The following RPL10L variants were observed in gnomAD, a reference collection of about 807,000 sequenced individuals.
RPL10L encodes ribosomal protein L10 like.
A neutral mutation model predicts 10.2 loss-of-function variants in RPL10L; 11 were observed. The ratio of observed to expected loss-of-function variants is 1.08; its 90% CI spans 0.68 to 1.79. The LOEUF (loss-of-function observed/expected upper bound fraction) is 1.79, where lower values mean the gene tolerates loss of function less well. Ranked by LOEUF, RPL10L falls within the 40% of genes most tolerant of loss-of-function variation. RPL10L has a pLI of 0.00. For missense variants in RPL10L, 320 were observed against 289.8 expected, an observed-to-expected ratio of 1.10 and a Z score of -0.76; for synonymous variants, 120 against 101.7, an observed-to-expected ratio of 1.18 and a Z score of -1.08.
Position 46,651,741 on chromosome 14 carries a change from A to C in RPL10L, c.-5T>G. 1.2e-6 allele frequency: 2 copies of C among 1,614,188 alleles called. No homozygotes were observed. The highest frequency in any genetic ancestry group is 1.7e-6 in the Non-Finnish European group (2 of 1,180,014). ...GCGAGCTGGACGGCGCCCCATGGCG[A>C]CACAGTAACGTCGGCGGTGCCTCGA... On this transcript the variant is annotated 5_prime_UTR_variant, in exon 1 of 1. Coordinates refer to ENST00000298283, the MANE Select transcript of RPL10L (RefSeq NM_080746.3).
rs960971618 is a variant in RPL10L, at chr14:46,651,592, C to G, written c.145G>C (p.Gly49Arg). ...TATTCATCAGACACCATGTGGCCAC[C>G]GAGTGGGAACTCATCCACTTTTGCC... The part of the protein sequence containing the change: ...KKAKVDEFPL[G>R]GHMVSDEYEQ... The change falls in exon 1 of 1, where the codon GGT becomes CGT. Residue 49 changes from glycine to arginine, a missense_variant. Physicochemically the swap from Gly to Arg is moderately radical, Grantham distance 125 (BLOSUM62 -2). Coordinates refer to ENST00000298283, the MANE Select transcript of RPL10L (RefSeq NM_080746.3). 5 of 1,614,038 alleles carry G rather than the reference C, an allele frequency of 3.1e-6. No individual in the cohort carries two copies. Among genetic ancestry groups the G allele is most frequent in the Non-Finnish European group, 3.4e-6 (4 of 1,180,044 alleles).
Position 46,651,267 on chromosome 14 carries a change from A to T in RPL10L, c.470T>A (p.Phe157Tyr). 1.2e-6 allele frequency: 2 copies of T among 1,614,088 alleles called. No homozygotes were observed. The highest frequency in any genetic ancestry group is 1.7e-6 in the Non-Finnish European group (2 of 1,180,016). ...AATCTTCTGGCGTCCAGGGAACTTGAACTTGGCCCTGCGCAAGGCTTCAAT... is the reference window on the plus strand; with the variant it reads ...AATCTTCTGGCGTCCAGGGAACTTGTACTTGGCCCTGCGCAAGGCTTCAAT... Reference protein sequence around the residue: ...HVIEALRRAKFKFPGRQKIHI... With the variant: ...HVIEALRRAKYKFPGRQKIHI... The change falls in exon 1 of 1, where the codon TTC becomes TAC. Residue 157 changes from phenylalanine (F) to tyrosine (Y), a missense_variant. Transcript: ENST00000298283.
Position 46,651,104 on chromosome 14 carries a change from A to T in RPL10L, c.633T>A (p.Val211=). Residue 211 remains valine, a synonymous_variant, in exon 1 of 1, where the codon GTT becomes GTA. Transcript: ENST00000298283. ...ACTGCCAAAACCTTCATGAGTGCAG[A>T]ACCCGCCACTTGTCCAAGGGGCCAT... ...PSHGPLDKWR[V]LHS The T allele has an allele frequency of 6.2e-7, 1 of 1,613,954 alleles. No individual in the cohort carries two copies. Among genetic ancestry groups the T allele is most frequent in the Non-Finnish European group, 8.5e-7 (1 of 1,179,882 alleles).
In RPL10L at chr14:46,651,354, CG is replaced by C; in HGVS notation, c.382del (p.Arg128GlyfsTer21). On this transcript the variant is annotated frameshift_variant, in exon 1 of 1. Transcript: ENST00000298283. LOFTEE classifies it high-confidence loss of function. Reference sequence around the variant, plus strand: ...CATGATGACTTGACCAATGTGGACCCGGGCTACAGTACCCTGGGGTTTTCCA... The same window carrying C: ...CATGATGACTTGACCAATGTGGACCCGGCTACAGTACCCTGGGGTTTTCCA... ...AFGKPQGTVA[R>X]VHIGQVIMSI... The C allele has an allele frequency of 6.2e-7, 1 of 1,614,124 alleles. No individual in the cohort carries two copies. Among genetic ancestry groups the C allele is most frequent in the Non-Finnish European group, 8.5e-7 (1 of 1,180,036 alleles).
chr14:46,651,296 A>C lies in RPL10L; in HGVS notation c.441T>G (p.His147Gln), dbSNP rs766460249. ...SIRTKLQNEE[H>Q]VIEALRRAKF... is the part of the protein sequence containing the mutation. ...TGGCCCTGCGCAAGGCTTCAATCAC[A>C]TGCTCCTCGTTCTGAAGCTTGGTGC... Residue 147 changes from histidine to glutamine, a missense_variant, in exon 1 of 1, where the codon CAT (histidine) becomes CAG (glutamine). Coordinates refer to ENST00000298283, the MANE Select transcript of RPL10L (RefSeq NM_080746.3). The C allele has an allele frequency of 1.2e-6, 2 of 1,614,138 alleles. No homozygotes were observed. Among genetic ancestry groups the C allele is most frequent in the South Asian group, 2.2e-5 (2 of 91,078 alleles).
At position 46,651,023 on chromosome 14, in the gene RPL10L, G is replaced by C; in HGVS notation, c.*69C>G. ...CTTAATAAGGAGTTATTTTTTGCCA[G>C]TAAACAGAATTTATTAGTAAGCATA... On this transcript the variant is annotated 3_prime_UTR_variant, in exon 1 of 1. Coordinates refer to ENST00000298283, the MANE Select transcript of RPL10L (RefSeq NM_080746.3). 6.8e-7 allele frequency: 1 copy of C among 1,472,452 alleles called. No individual in the cohort carries two copies. Among genetic ancestry groups the C allele is most frequent in the Non-Finnish European group, 9.1e-7 (1 of 1,096,552 alleles). The allele number at this position is 1,472,452 out of a possible 1,614,324, so 91.2% of individuals were successfully genotyped here.
chr14:46,651,139 C>G lies in RPL10L; in HGVS notation c.598G>C (p.Val200Leu), dbSNP rs1407137708. 6.2e-7 allele frequency: 1 copy of G among 1,614,158 alleles called. No homozygotes were observed. The highest frequency in any genetic ancestry group is 8.5e-7 in the Non-Finnish European group (1 of 1,180,022). Residue 200 changes from valine (V) to leucine (L), a missense_variant, in exon 1 of 1, where the codon GTT becomes CTT. Val to Leu is a conservative substitution (Grantham distance 32). Coordinates refer to ENST00000298283, the MANE Select transcript of RPL10L (RefSeq NM_080746.3). ...LIPDGCGVKY[V>L]PSHGPLDKWR... is the part of the protein sequence containing the mutation. The stretch of plus-strand genomic sequence containing the variant: ...TTGTCCAAGGGGCCATGACTGGGAA[C>G]GTACTTGACTCCACAACCATCAGGG...
rs1379121099 is a variant in RPL10L, at chr14:46,651,236, G to C, written c.501C>G (p.Ile167Met). 2 of 1,614,178 alleles carry C rather than the reference G, an allele frequency of 1.2e-6. No homozygotes were observed. The highest frequency in any genetic ancestry group is 4.5e-5 in the East Asian group (2 of 44,872). The change falls in exon 1 of 1, where the codon ATC (isoleucine) becomes ATG (methionine). Residue 167 changes from isoleucine to methionine, a missense_variant. Physicochemically the swap from Ile to Met is conservative, Grantham distance 10 (BLOSUM62 1). Transcript: ENST00000298283. ...FKFPGRQKIH[I>M]SKKWGFTKFN... ...ACTTCGTGAAGCCCCACTTCTTGGA[G>C]ATATGAATCTTCTGGCGTCCAGGGA...
Position 46,651,739 on chromosome 14 carries a change from C to A in RPL10L, c.-3G>T, listed in dbSNP as rs775020836. The A allele has an allele frequency of 1.9e-6, 3 of 1,614,180 alleles. No homozygotes were observed. Among genetic ancestry groups the A allele is most frequent in the Non-Finnish European group, 2.5e-6 (3 of 1,180,006 alleles). The stretch of plus-strand genomic sequence containing the variant: ...CAGCGAGCTGGACGGCGCCCCATGG[C>A]GACACAGTAACGTCGGCGGTGCCTC... On this transcript the variant is annotated 5_prime_UTR_variant, in exon 1 of 1. Transcript: ENST00000298283.
At position 46,651,593 on chromosome 14, in the gene RPL10L, G is replaced by A. The variant is rs752024971; in HGVS notation, c.144C>T (p.Leu48=). 23 of 1,614,022 alleles carry A rather than the reference G, an allele frequency of 1.4e-5. No homozygotes were observed. In the Admixed American group the frequency reaches 1.8e-4, roughly 13 times the overall value. The change falls in exon 1 of 1, where the codon CTC becomes CTT. Residue 48 remains leucine, a synonymous_variant. Transcript: ENST00000298283. ...RKKAKVDEFP[L]GGHMVSDEYE... Reference sequence around the variant, plus strand: ...ATTCATCAGACACCATGTGGCCACCGAGTGGGAACTCATCCACTTTTGCCT... The same window carrying A: ...ATTCATCAGACACCATGTGGCCACCAAGTGGGAACTCATCCACTTTTGCCT...
In RPL10L at chr14:46,651,326, G is replaced by A. The variant is rs1883873341; in HGVS notation, c.411C>T (p.Ser137=). ...CCTCGTTCTGAAGCTTGGTGCGGAT[G>A]GACATGATGACTTGACCAATGTGGA... ...ARVHIGQVIM[S]IRTKLQNEEH... The change falls in exon 1 of 1, where the codon TCC becomes TCT. Residue 137 remains serine, a synonymous_variant. Coordinates refer to ENST00000298283, the MANE Select transcript of RPL10L (RefSeq NM_080746.3). The A allele has an allele frequency of 1.9e-6, 3 of 1,614,014 alleles. No individual in the cohort carries two copies. The highest frequency in any genetic ancestry group is 2.2e-5 in the East Asian group (1 of 44,894).
rs201792426 is a variant in RPL10L at position 46,651,498 on chromosome 14, C to G, written c.239G>C (p.Cys80Ser). 1 of 1,614,198 alleles carries G rather than the reference C, an allele frequency of 6.2e-7. No homozygotes were observed. Among genetic ancestry groups the G allele is most frequent in the East Asian group, 2.2e-5 (1 of 44,874 alleles). The change falls in exon 1 of 1, where the codon TGT becomes TCT. Residue 80 changes from cysteine (C) to serine (S), a missense_variant. Transcript: ENST00000298283. The stretch of plus-strand genomic sequence containing the variant: ...TCGCATGTGAAAGCCATCTCTGCCA[C>G]AACTTTTCACCATGTATTTGTTGGC... The part of the protein sequence containing the change: ...ICANKYMVKS[C>S]GRDGFHMRVR...
At position 46,651,531 on chromosome 14, in the gene RPL10L, C is replaced by A. The variant is rs1280409321; in HGVS notation, c.206G>T (p.Arg69Leu). The change falls in exon 1 of 1, where the codon CGT becomes CTT. Residue 69 changes from arginine (R) to leucine (L), a missense_variant. Transcript: ENST00000298283. ...QLSSEALEAA[R>L]ICANKYMVKS... ...CACCATGTATTTGTTGGCACAAATA[C>A]GGGCGGCCTCCAGGGCTTCAGAAGA... The A allele has an allele frequency of 6.2e-7, 1 of 1,614,188 alleles. No homozygotes were observed. Among genetic ancestry groups the A allele is most frequent in the South Asian group, 1.1e-5 (1 of 91,088 alleles).
Position 46,651,650 on chromosome 14 carries a change from G to A in RPL10L, c.87C>T (p.Ala29=), listed in dbSNP as rs1883895783. The change falls in exon 1 of 1, where the codon GCC becomes GCT. Residue 29 remains alanine, a synonymous_variant. Coordinates refer to ENST00000298283, the MANE Select transcript of RPL10L (RefSeq NM_080746.3). ...KSRFCRGVPD[A]KIRIFDLGRK... The stretch of plus-strand genomic sequence containing the variant: ...TACCCAGGTCAAAGATGCGGATCTT[G>A]GCATCAGGAACCCCTCGGCAGAAAC... 22 of 1,614,210 alleles carry A rather than the reference G, an allele frequency of 1.4e-5. No individual in the cohort carries two copies. The highest frequency in any genetic ancestry group is 1.5e-5 in the Non-Finnish European group (18 of 1,180,048).
rs1257318386 is a variant in RPL10L, at chr14:46,651,711, T to TA, written c.25dup (p.Tyr9LeufsTer5). The TA allele has an allele frequency of 6.2e-7, 1 of 1,614,092 alleles. No homozygotes were observed. The highest frequency in any genetic ancestry group is 8.5e-7 in the Non-Finnish European group (1 of 1,180,046). ...GTACGGCTTGTTCTTACAATACCGG[T>TA]AACAGCGAGCTGGACGGCGCCCCAT... On this transcript the variant is annotated frameshift_variant, in exon 1 of 1. Coordinates refer to ENST00000298283, the MANE Select transcript of RPL10L (RefSeq NM_080746.3). LOFTEE classifies it high-confidence loss of function.
In RPL10L at chr14:46,651,217, T is replaced by C; in HGVS notation, c.520A>G (p.Thr174Ala). ...KIHISKKWGF[T>A]KFNADEFEDM... ...TCAAATTCGTCAGCATTAAACTTCG[T>C]GAAGCCCCACTTCTTGGAGATATGA... is the stretch of plus-strand genomic sequence containing the variant. The change falls in exon 1 of 1, where the codon ACG becomes GCG. Residue 174 changes from threonine to alanine, a missense_variant. Coordinates refer to ENST00000298283, the MANE Select transcript of RPL10L (RefSeq NM_080746.3). 2 of 1,614,152 alleles carry C rather than the reference T, an allele frequency of 1.2e-6. No homozygotes were observed. The highest frequency in any genetic ancestry group is 1.7e-6 in the Non-Finnish European group (2 of 1,180,024).
At position 46,651,503 on chromosome 14, in the gene RPL10L, T is replaced by C; in HGVS notation, c.234A>G (p.Lys78=). The C allele has an allele frequency of 6.2e-7, 1 of 1,614,144 alleles. No homozygotes were observed. Residue 78 remains lysine, a synonymous_variant, in exon 1 of 1, where the codon AAA becomes AAG. Coordinates refer to ENST00000298283, the MANE Select transcript of RPL10L (RefSeq NM_080746.3). ...ARICANKYMV[K]SCGRDGFHMR... ...TGTGAAAGCCATCTCTGCCACAACT[T>C]TTCACCATGTATTTGTTGGCACAAA... is the stretch of plus-strand genomic sequence containing the variant.
In RPL10L at chr14:46,651,407, C is replaced by A; in HGVS notation, c.330G>T (p.Arg110Ser). The A allele has an allele frequency of 6.2e-7, 1 of 1,614,130 alleles. No individual in the cohort carries two copies. Among genetic ancestry groups the A allele is most frequent in the Non-Finnish European group, 8.5e-7 (1 of 1,180,034 alleles). Reference protein sequence around the residue: ...NKMLSCAGADRLQTGMRGAFG... With the variant: ...NKMLSCAGADSLQTGMRGAFG... ...AGGCACCTCGCATACCTGTCTGGAG[C>A]CTGTCAGCCCCAGCACAGGACAACA... The change falls in exon 1 of 1, where the codon AGG becomes AGT. Residue 110 changes from arginine (R) to serine (S), a missense_variant. By Grantham distance (110) the Arg-to-Ser change is moderately radical. Transcript: ENST00000298283.
rs1201752371 is a variant in RPL10L, at chr14:46,651,754, G to T, written c.-18C>A. The stretch of plus-strand genomic sequence containing the variant: ...CGCCCCATGGCGACACAGTAACGTC[G>T]GCGGTGCCTCGAAGTCAAAATGCGC... On this transcript the variant is annotated 5_prime_UTR_variant, in exon 1 of 1. Coordinates refer to ENST00000298283, the MANE Select transcript of RPL10L (RefSeq NM_080746.3). The T allele has an allele frequency of 1.2e-6, 2 of 1,613,792 alleles. No individual in the cohort carries two copies. The highest frequency in any genetic ancestry group is 1.7e-5 in the Admixed American group (1 of 59,984).
Sources: gnomAD v4.1 joint callset for allele counts on GRCh38, gnomAD v4.1.1 for gene constraint, MANE v1.5 for transcripts, NCBI Gene and HGNC (gene_info 2026-07-23, HGNC 2026-07-21) for gene names.